RANBP17: variants seen among roughly 807,000 people sequenced by gnomAD.
RANBP17 encodes the protein RAN binding protein 17.
In RANBP17, 158 loss-of-function variants were observed where a neutral mutation model predicts 141.2. The ratio of observed to expected loss-of-function variants is 1.12; its 90% CI spans 0.98 to 1.28. The LOEUF is 1.28. RANBP17 is among the 50% of genes most tolerant of loss of function. RANBP17 has a pLI of 0.00. For missense variants in RANBP17, 1,438 were observed against 1,290.7 expected, an observed-to-expected ratio of 1.11 and a Z score of -1.75; for synonymous variants, 430 against 450.0, an observed-to-expected ratio of 0.96 and a Z score of 0.56.
At chr5:171,082,853 A>G (rs1467190401) in intron 14 of RANBP17, among the ~76,000 whole-genome samples, 1 of 151,254 alleles carries the variant, frequency 6.6e-6, no homozygotes, top group Non-Finnish European at 1.5e-5. Context: ...AGACTGTAGC[A>G]TTTTGGGTAT....
At chr5:171,000,383 A>C (rs1779118232) in intron 14 of RANBP17, among the ~76,000 whole-genome samples, 2 of 152,086 alleles carry the variant, frequency 1.3e-5, no homozygotes, top group African/African-American at 2.4e-5. Context: ...CATCCTCACC[A>C]ACACTTATTT....
intron 1 of RANBP17, among the ~76,000 whole-genome samples, chr5:170,875,821 G>C (rs1768131146): frequency 6.6e-6 from 1 of 152,126 alleles, no homozygotes; most frequent in Admixed American, 6.5e-5. Flanking sequence ...TGGAGAAGAA[G>C]CACTCTGGCC....
At chr5:171,158,016 A>G (rs1035717697) in intron 14 of RANBP17, among the ~76,000 whole-genome samples, 4 of 152,184 alleles carry the variant, frequency 2.6e-5, no homozygotes, top group Non-Finnish European at 4.4e-5. Context: ...ACAGATGTCT[A>G]TAATTACAGG....
chr5:171,040,076 C>G (rs79955967), intron 14 of RANBP17, among the ~76,000 whole-genome samples: 1 of 152,022 alleles, frequency 6.6e-6, no homozygotes, highest in Non-Finnish European at 1.5e-5. Flanking sequence ...ACAAAAAAAA[C>G]TACAGGCCAG....
At chr5:171,052,309 T>C (rs1338067944) in intron 14 of RANBP17, among the ~76,000 whole-genome samples, 1 of 152,202 alleles carries the variant, frequency 6.6e-6, no homozygotes, top group Admixed American at 6.5e-5. Flanking sequence ...GAGTCAAATC[T>C]AAGAATTTAA....
intron 12 of RANBP17, among the ~76,000 whole-genome samples, chr5:170,935,913 C>T (rs1430369461): frequency 2.0e-5 from 3 of 152,236 alleles, no homozygotes; most frequent in African/African-American, 7.2e-5. Flanking sequence ...CAGAGGCAGG[C>T]AGGCCTCCTT....
intron 14 of RANBP17, among the ~76,000 whole-genome samples, chr5:170,977,691 T>C (rs13164187): frequency 0.68 from 103,992 of 151,938 alleles, 35,768 homozygotes; most frequent in South Asian, 0.89. Context: ...ATAGATGCCG[T>C]AACAAGTATG....
chr5:171,041,750 ATT>A (rs924556322), intron 14 of RANBP17, among the ~76,000 whole-genome samples: 2 of 152,114 alleles, frequency 1.3e-5, no homozygotes, highest in African/African-American at 4.8e-5. Context: ...ATTTAATATT[ATT>A]TTAAGTTCTG....
rs191562490 is a variant in RANBP17 at position 170,898,060 on chromosome 5, C to A, written c.489+1945C>A. On this transcript the variant is annotated intron_variant, in intron 5 of 27. Transcript: ENST00000523189. Reference sequence around the variant, plus strand: ...AAGCGTTCCTATTTCTCCACATCCTCTCTAGCATCTGTTGTTTCCTGACTT... The same window carrying A: ...AAGCGTTCCTATTTCTCCACATCCTATCTAGCATCTGTTGTTTCCTGACTT... 3.3e-5 allele frequency among the ~76,000 whole-genome samples: 5 copies of A among 152,336 alleles called. No homozygotes were observed. The East Asian group carries it at 9.7e-4, about 29-fold the overall frequency.
At chr5:170,880,793 A>G (rs1768594296) in intron 2 of RANBP17, among the ~76,000 whole-genome samples, 1 of 152,214 alleles carries the variant, frequency 6.6e-6, no homozygotes, top group African/African-American at 2.4e-5. Flanking sequence ...GTCCATTTTT[A>G]TCTTTTCTTA....
At chr5:171,098,283 T>C (rs556329903) in intron 14 of RANBP17, among the ~76,000 whole-genome samples, 1 of 152,300 alleles carries the variant, frequency 6.6e-6, no homozygotes, top group South Asian at 2.1e-4. Flanking sequence ...TTTTTTCACA[T>C]CCTCTCCAGC....
chr5:171,141,601 G>C (rs190513495), intron 14 of RANBP17, among the ~76,000 whole-genome samples: 2 of 107,846 alleles, frequency 1.9e-5, no homozygotes, highest in Admixed American at 1.3e-4. Flanking sequence ...TGTAGACTGA[G>C]ATGGAGCGAG....
chr5:171,274,694 C>T (rs1767383068), intron 25 of RANBP17, among the ~76,000 whole-genome samples: 1 of 152,176 alleles, frequency 6.6e-6, no homozygotes, highest in East Asian at 1.9e-4. Context: ...CAGAGCCTGA[C>T]ACTTCATGAT....
At chr5:171,050,776 T>G (rs982888931) in intron 14 of RANBP17, among the ~76,000 whole-genome samples, 2 of 152,198 alleles carry the variant, frequency 1.3e-5, no homozygotes, top group Non-Finnish European at 1.5e-5. Flanking sequence ...ATAGTCCAAG[T>G]TTTCCCCTCA....
chr5:171,225,438 C>T (rs899783156), intron 22 of RANBP17, among the ~76,000 whole-genome samples: 1 of 152,180 alleles, frequency 6.6e-6, no homozygotes, highest in Non-Finnish European at 1.5e-5. Flanking sequence ...CTGTCTTTAC[C>T]TTCTGTAATG....
At position 171,141,957 on chromosome 5, in the gene RANBP17, T is replaced by C. The variant is rs1757733793; in HGVS notation, c.1711-28173T>C. On this transcript the variant is annotated intron_variant, in intron 14 of 27. Coordinates refer to ENST00000523189, the MANE Select transcript of RANBP17 (RefSeq NM_022897.5). Reference sequence around the variant, plus strand: ...TTTTCTTTTATACCTATTTAGTATGTCATATAAAATGCGTAATTTGCATGC... The same window carrying C: ...TTTTCTTTTATACCTATTTAGTATGCCATATAAAATGCGTAATTTGCATGC... Among the ~76,000 whole-genome samples, 3 of 152,214 alleles carry C rather than the reference T, an allele frequency of 2.0e-5. No individual in the cohort carries two copies. The South Asian group carries it at 6.2e-4, about 32-fold the overall frequency.
At chr5:170,997,393 A>G (rs926330958) in intron 14 of RANBP17, among the ~76,000 whole-genome samples, 17 of 151,578 alleles carry the variant, frequency 1.1e-4, no homozygotes, top group Non-Finnish European at 2.4e-4. Context: ...AATCTGAGGT[A>G]GGACCCAGAA....
intron 25 of RANBP17, among the ~76,000 whole-genome samples, chr5:171,276,686 A>G (rs375895043): frequency 1.3e-5 from 2 of 152,136 alleles, no homozygotes; most frequent in Non-Finnish European, 2.9e-5. Flanking sequence ...AAAATAAACA[A>G]CAGCCATACC....
At chr5:171,250,387 A>G (rs981185517) in intron 24 of RANBP17, among the ~76,000 whole-genome samples, 1 of 152,214 alleles carries the variant, frequency 6.6e-6, no homozygotes, top group African/African-American at 2.4e-5. Context: ...ACAGAAATTC[A>G]CCAAACCACA....
Sources: gnomAD v4.1 joint callset for allele counts (sites outside exome capture counted in the v4.1 genomes callset) on GRCh38, gnomAD v4.1.1 for gene constraint, MANE v1.5 for transcripts, NCBI Gene and HGNC (gene_info 2026-07-23, HGNC 2026-07-21) for gene names.